SIRPG: variants seen among roughly 807,000 people sequenced by gnomAD.
SIRPG encodes signal regulatory protein gamma, also known as signal-regulatory protein gamma.
A neutral mutation model predicts 35.7 loss-of-function variants in SIRPG; 38 were observed. That is an observed-to-expected ratio of 1.06 (90% CI 0.82 to 1.40). The LOEUF (loss-of-function observed/expected upper bound fraction) is 1.40. Ranked by LOEUF, SIRPG falls within the 40% of genes most tolerant of loss-of-function variation. The pLI, the probability that SIRPG is intolerant of heterozygous loss-of-function variation, is 0.00. For missense variants in SIRPG, 519 were observed against 483.0 expected (o/e 1.07, Z -0.70); for synonymous variants, 215 against 190.4 (o/e 1.13, Z -1.06).
At chr20:1,652,334 C>G (rs900693836) in intron 1 of SIRPG, among the ~76,000 whole-genome samples, 1 of 152,196 alleles carries the variant, frequency 6.6e-6, no homozygotes, top group Non-Finnish European at 1.5e-5. Context: ...ATGGGTCCCA[C>G]TGGAACTTAA....
chr20:1,646,273 GC>G (rs1340047610), intron 2 of SIRPG: 1 of 152,248 alleles, frequency 6.6e-6, no homozygotes, highest in Non-Finnish European at 1.5e-5. Flanking sequence ...CCTCCTGGGT[GC>G]CCAGGCCCAG....
At position 1,630,235 on chromosome 20, in the gene SIRPG, G is replaced by C. The variant is rs773466471; in HGVS notation, c.1153C>G (p.Gln385Glu). 2 of 1,568,402 alleles carry C rather than the reference G, an allele frequency of 1.3e-6. No homozygotes were observed. Among genetic ancestry groups the C allele is most frequent in the African/African-American group, 1.3e-5 (1 of 74,136 alleles). The change falls in exon 5 of 6, where the codon CAG (glutamine) becomes GAG (glutamate). Residue 385 changes from glutamine to glutamate, a missense_variant. Gln to Glu is a conservative substitution (Grantham distance 29, BLOSUM62 2). Coordinates refer to ENST00000303415, the MANE Select transcript of SIRPG (RefSeq NM_018556.4). The stretch of plus-strand genomic sequence containing the variant: ...CCTTGTACTTACAGTCAGGTCTTCT[G>C]CTTCCAGGGGACGTAGATGGGGCCC... Reference protein sequence around the residue: ...LLGPIYVPWKQKT With the variant: ...LLGPIYVPWKEKT
upstream of SIRPG, among the ~76,000 whole-genome samples, chr20:1,661,650 A>T (rs2122598841): frequency 6.6e-6 from 1 of 152,350 alleles, no homozygotes; most frequent in South Asian, 2.1e-4. Context: ...AAAGGAGGGC[A>T]TCTGCTTATC....
chr20:1,659,196 T>A (rs73604188), upstream of SIRPG, among the ~76,000 whole-genome samples: 76 of 152,362 alleles, frequency 5.0e-4, no homozygotes, highest in East Asian at 0.013. Flanking sequence ...AGCCACCTTG[T>A]TAAAAGAAAT....
At chr20:1,666,820 T>C in the SIRPG span, among the ~76,000 whole-genome samples, 1 of 152,128 alleles carries the variant, frequency 6.6e-6, no homozygotes, top group Non-Finnish European at 1.5e-5. Context: ...AATACATGTG[T>C]ACCATTTTAA....
intron 2 of SIRPG, among the ~76,000 whole-genome samples, chr20:1,640,540 C>T (rs932350646): frequency 6.6e-6 from 1 of 152,162 alleles, no homozygotes; most frequent in African/African-American, 2.4e-5. Flanking sequence ...AATATAGAAT[C>T]ATGTCATCTG....
chr20:1,682,507 A>G, the SIRPG span, among the ~76,000 whole-genome samples: 1 of 152,214 alleles, frequency 6.6e-6, no homozygotes, highest in Non-Finnish European at 1.5e-5. Flanking sequence ...ATATAGGATG[A>G]TTGTTCCTCA....
the SIRPG span, among the ~76,000 whole-genome samples, chr20:1,683,962 A>T: frequency 0.54 from 80,615 of 150,432 alleles, 21,811 homozygotes; most frequent in Admixed American, 0.59. Context: ...AGGGTGAAAC[A>T]CCGTCTCAAA....
intron 1 of SIRPG, among the ~76,000 whole-genome samples, chr20:1,654,237 A>T (rs751451512): frequency 0.018 from 2,244 of 124,276 alleles, 28 homozygotes; most frequent in Middle Eastern, 0.11. Context: ...GACTGCATCT[A>T]AAAAAAAAAA....
chr20:1,657,515 T>C, intron 1 of SIRPG, 127 bp downstream of exon 1: 2 of 918,790 alleles, frequency 2.2e-6, no homozygotes, highest in Middle Eastern at 2.1e-4. Context: ...TCTTCTGCTC[T>C]TGGACAATGT....
intron 2 of SIRPG, chr20:1,646,894 A>AG (rs2091901922): frequency 6.6e-6 from 1 of 152,112 alleles, no homozygotes; most frequent in African/African-American, 2.4e-5. Context: ...TGATCCACCC[A>AG]CCTCGGCCTC....
At chr20:1,644,897 C>T (rs144523252) in intron 2 of SIRPG, among the ~76,000 whole-genome samples, 52 of 152,304 alleles carry the variant, frequency 3.4e-4, no homozygotes, top group Middle Eastern at 3.4e-3. Context: ...GATGTCAGAA[C>T]CTGGATACTT....
intron 2 of SIRPG, among the ~76,000 whole-genome samples, chr20:1,640,812 G>T (rs925778132): frequency 1.3e-5 from 2 of 152,090 alleles, no homozygotes; most frequent in African/African-American, 4.8e-5. Context: ...AGAATTTTTA[G>T]CATGAAGCGG....
At position 1,632,456 on chromosome 20, in the gene SIRPG, T is replaced by C. The variant is rs146586533; in HGVS notation, c.1082-2150A>G. On this transcript the variant is annotated intron_variant, in intron 4 of 5. Coordinates refer to ENST00000303415, the MANE Select transcript of SIRPG (RefSeq NM_018556.4). ...GCCAGCCTAGACAACTTAAAATGCATTTCCAGCCTTAGTACCTGAGCAAAG... is the reference window on the plus strand; with the variant it reads ...GCCAGCCTAGACAACTTAAAATGCACTTCCAGCCTTAGTACCTGAGCAAAG... Among the ~76,000 whole-genome samples, 983 of 152,230 alleles carry C rather than the reference T, an allele frequency of 6.5e-3. 11 individuals are homozygous for C. Among genetic ancestry groups the C allele is most frequent in the African/African-American group, 0.023 (954 of 41,534 alleles).
At chr20:1,673,488 G>A in the SIRPG span, among the ~76,000 whole-genome samples, 1 of 152,094 alleles carries the variant, frequency 6.6e-6, no homozygotes, top group East Asian at 1.9e-4. Flanking sequence ...AATGACCCCT[G>A]TGACTGTTTT....
the SIRPG span, among the ~76,000 whole-genome samples, chr20:1,672,102 G>T: frequency 6.6e-6 from 1 of 152,134 alleles, no homozygotes; most frequent in Non-Finnish European, 1.5e-5. Flanking sequence ...GAACCAGGCC[G>T]CTCAGCCCAG....
intron 2 of SIRPG, among the ~76,000 whole-genome samples, chr20:1,645,733 G>A (rs936435131): frequency 6.6e-6 from 1 of 152,182 alleles, no homozygotes; most frequent in Non-Finnish European, 1.5e-5. Context: ...GGCAGAGCTG[G>A]GAAGTGGCCC....
chr20:1,644,677 C>G (rs1281666312), intron 2 of SIRPG, among the ~76,000 whole-genome samples: 1 of 152,180 alleles, frequency 6.6e-6, no homozygotes, highest in Admixed American at 6.5e-5. Context: ...AGACCCTAGG[C>G]CCCAGTGGCA....
chr20:1,632,980 A>G (rs752131903), intron 4 of SIRPG, among the ~76,000 whole-genome samples: 2 of 152,184 alleles, frequency 1.3e-5, no homozygotes, highest in Admixed American at 6.5e-5. Context: ...GAAAAGACCA[A>G]TAAAATGGAA....
Sources: gnomAD v4.1 joint callset for allele counts (sites outside exome capture counted in the v4.1 genomes callset) on GRCh38, gnomAD v4.1.1 for gene constraint, MANE v1.5 for transcripts, NCBI Gene and HGNC (gene_info 2026-07-23, HGNC 2026-07-21) for gene names.